Variants in CTNND2 observed in about 807,000 individuals in gnomAD.
CTNND2 encodes catenin delta 2, also known as catenin delta-2.
Under a neutral mutation model 144.4 loss-of-function variants are expected in CTNND2, and 22 were observed. The observed-to-expected ratio is 0.15, with a 90% CI of 0.11 to 0.22. The LOEUF (loss-of-function observed/expected upper bound fraction) is 0.22. CTNND2 is among the 10% of genes least tolerant of loss of function. The probability of loss-of-function intolerance (pLI) is 1.00; values close to 1 mark genes in which losing one functional copy is unlikely to be tolerated. For synonymous variants in CTNND2, 751 were observed against 695.6 expected (o/e 1.08, Z -1.25); for missense variants, 1,353 against 1,618.8 (o/e 0.84, Z 2.82).
At chr5:11,505,428 T>C (rs1183261517) in intron 3 of CTNND2, among the ~76,000 whole-genome samples, 1 of 152,194 alleles carries the variant, frequency 6.6e-6, no homozygotes, top group Non-Finnish European at 1.5e-5. Flanking sequence ...ACAGGGTTTA[T>C]GTTGAAATAA....
intron 11 of CTNND2, among the ~76,000 whole-genome samples, chr5:11,173,386 A>G (rs1402424332): frequency 6.6e-6 from 1 of 152,166 alleles, no homozygotes; most frequent in Non-Finnish European, 1.5e-5. Context: ...CCCGCTGCTG[A>G]CCACCCTCTA....
intron 9 of CTNND2, among the ~76,000 whole-genome samples, chr5:11,293,958 C>A (rs561619595): frequency 6.6e-6 from 1 of 151,340 alleles, no homozygotes; most frequent in Non-Finnish European, 1.5e-5. Context: ...AGCAACAGTT[C>A]TCAGAGTCTC....
intron 9 of CTNND2, among the ~76,000 whole-genome samples, chr5:11,258,346 C>A (rs550406134): frequency 1.2e-4 from 19 of 152,312 alleles, no homozygotes; most frequent in African/African-American, 4.6e-4. Flanking sequence ...CTCTCCCTGG[C>A]AGCATCATGG....
intron 3 of CTNND2, among the ~76,000 whole-genome samples, chr5:11,513,356 C>T (rs1771838214): frequency 6.6e-6 from 1 of 152,176 alleles, no homozygotes; most frequent in African/African-American, 2.4e-5. Flanking sequence ...ACAATGTTGT[C>T]CTTGACAGCA....
chr5:11,835,017 T>C (rs1794098420), intron 1 of CTNND2, among the ~76,000 whole-genome samples: 1 of 152,152 alleles, frequency 6.6e-6, no homozygotes, highest in Non-Finnish European at 1.5e-5. Context: ...CACGTGTCTG[T>C]AGTCCAGCTA....
chr5:11,729,499 T>C (rs1329372392), intron 2 of CTNND2, among the ~76,000 whole-genome samples: 1 of 152,206 alleles, frequency 6.6e-6, no homozygotes, highest in East Asian at 1.9e-4. Flanking sequence ...AAAATTCTCA[T>C]GGATTTTTTC....
intron 16 of CTNND2, among the ~76,000 whole-genome samples, chr5:11,047,373 T>C (rs1208059660): frequency 6.6e-6 from 1 of 152,120 alleles, no homozygotes; most frequent in Non-Finnish European, 1.5e-5. Flanking sequence ...TTTTGTATTG[T>C]TTTCCCACGT....
chr5:11,863,524 T>C (rs1211415305), intron 1 of CTNND2, among the ~76,000 whole-genome samples: 1 of 152,192 alleles, frequency 6.6e-6, no homozygotes, highest in Admixed American at 6.5e-5. Flanking sequence ...ATTGTGATTA[T>C]AGATGCTTGG....
intron 11 of CTNND2, among the ~76,000 whole-genome samples, chr5:11,182,407 G>A (rs113538307): frequency 6.6e-6 from 1 of 152,032 alleles, no homozygotes; most frequent in Non-Finnish European, 1.5e-5. Context: ...GTCTGTGTGT[G>A]CAAGTAAAGT....
At chr5:11,167,745 G>A (rs1169292806) in intron 11 of CTNND2, among the ~76,000 whole-genome samples, 3 of 150,010 alleles carry the variant, frequency 2.0e-5, no homozygotes, top group Admixed American at 6.7e-5. Flanking sequence ...GCCCAGGTTA[G>A]AGTGCAGCGG....
At chr5:11,731,428 T>A (rs936841799) in intron 2 of CTNND2, among the ~76,000 whole-genome samples, 2 of 152,178 alleles carry the variant, frequency 1.3e-5, no homozygotes, top group Non-Finnish European at 2.9e-5. Context: ...CGCGGCAGGC[T>A]TTTTTACTTA....
chr5:11,082,546 A>G, intron 16 of CTNND2, 150 bp downstream of exon 16: 1 of 841,740 alleles, frequency 1.2e-6, no homozygotes, highest in Non-Finnish European at 1.8e-6. Context: ...AGTGGATTTA[A>G]ATCAGAAGGA....
At chr5:11,728,709 A>G (rs1414432593) in intron 2 of CTNND2, among the ~76,000 whole-genome samples, 1 of 152,174 alleles carries the variant, frequency 6.6e-6, no homozygotes, top group Non-Finnish European at 1.5e-5. Context: ...GGAGTTACAA[A>G]TGCTCTCAAT....
At chr5:11,003,297 A>C (rs985745489) in intron 18 of CTNND2, among the ~76,000 whole-genome samples, 1 of 152,206 alleles carries the variant, frequency 6.6e-6, no homozygotes, top group Admixed American at 6.5e-5. Context: ...CTTAGTACTT[A>C]CATTCACAAG....
intron 1 of CTNND2, among the ~76,000 whole-genome samples, chr5:11,891,212 T>C (rs1163349889): frequency 1.3e-5 from 2 of 152,252 alleles, no homozygotes; most frequent in Non-Finnish European, 2.9e-5. Context: ...CTATATACCA[T>C]ATTGTTCTAT....
chr5:11,633,916 T>C (rs931081628), intron 2 of CTNND2, among the ~76,000 whole-genome samples: 1 of 152,216 alleles, frequency 6.6e-6, no homozygotes, highest in African/African-American at 2.4e-5. Flanking sequence ...GAATGGATAG[T>C]GGTACAGTCC....
At chr5:11,810,869 T>A (rs558148220) in intron 1 of CTNND2, among the ~76,000 whole-genome samples, 236 of 151,732 alleles carry the variant, frequency 1.6e-3, no homozygotes, top group African/African-American at 5.4e-3. Flanking sequence ...CCTATTTTTT[T>A]AAAAAAAAAG....
intron 1 of CTNND2, among the ~76,000 whole-genome samples, chr5:11,743,585 C>G (rs1788140796): frequency 6.6e-6 from 1 of 152,154 alleles, no homozygotes; most frequent in Non-Finnish European, 1.5e-5. Context: ...GAGCCATAGT[C>G]AGAACATGCA....
chr5:11,615,371 ATAAAG>A (rs1366542247), intron 2 of CTNND2, among the ~76,000 whole-genome samples: 3 of 152,200 alleles, frequency 2.0e-5, no homozygotes, highest in African/African-American at 4.8e-5. Context: ...TACACTTAAT[ATAAAG>A]TATTTTCCCC....
Sources: gnomAD v4.1 joint callset for allele counts (sites outside exome capture counted in the v4.1 genomes callset) on GRCh38, gnomAD v4.1.1 for gene constraint, MANE v1.5 for transcripts, NCBI Gene and HGNC (gene_info 2026-07-23, HGNC 2026-07-21) for gene names.